Variants in EMC2 observed in about 807,000 individuals in gnomAD.
The protein encoded by EMC2 is TPR repeat protein 35.
In EMC2, 37 loss-of-function variants were observed where a neutral mutation model predicts 51.6. The ratio of observed to expected loss-of-function variants is 0.72; its 90% CI spans 0.55 to 0.94. The LOEUF is 0.94. EMC2 is among the 40% of genes least tolerant of loss of function. The pLI is 0.00. For synonymous variants in EMC2, 131 were observed against 112.4 expected (o/e 1.17, Z -1.04); for missense variants, 359 against 350.9 (o/e 1.02, Z -0.18).
rs1341029387 is a variant in EMC2, at chr8:108,486,875, G to C, written c.*277G>C. 4.2e-6 allele frequency: 1 copy of C among 235,678 alleles called. No individual in the cohort carries two copies. Among genetic ancestry groups the C allele is most frequent in the Non-Finnish European group, 8.0e-6 (1 of 124,298 alleles). The allele number at this position is 235,678 out of a possible 1,614,324, so 14.6% of individuals were successfully genotyped here. A position where few individuals can be genotyped will look rare whatever the true frequency, so the allele number is the denominator to read the frequency against. ...TGTATATATATAAAACTCTAATGTA[G>C]TATAACCTTGTTAAATAAACCATGA... On this transcript the variant is annotated 3_prime_UTR_variant, in exon 11 of 11. Coordinates refer to ENST00000220853, the MANE Select transcript of EMC2 (RefSeq NM_014673.5).
rs1811195297 is a variant in EMC2, at chr8:108,489,133, G to GAGC, written c.*2537_*2539dup. Among the ~76,000 whole-genome samples the GAGC allele has an allele frequency of 6.6e-6, 1 of 152,106 alleles. No individual in the cohort carries two copies. The highest frequency in any genetic ancestry group is 1.5e-5 in the Non-Finnish European group (1 of 68,026). On this transcript the variant is annotated 3_prime_UTR_variant, in exon 11 of 11. Transcript: ENST00000220853. ...CATTGTTGAACACCCAAATCAAGAT[G>GAGC]AGCAATTGCCAAACTCCCCAATTAT...
At chr8:108,475,816 C>A in intron 7 of EMC2, 66 bp from the exon 8 acceptor site, 1 of 843,238 alleles carries the variant, frequency 1.2e-6, no homozygotes, top group Non-Finnish European at 1.9e-6. Context: ...TAAATTATTT[C>A]AAGGTTTAAC....
chr8:108,473,780 G>A (rs1191182355), intron 7 of EMC2: 1 of 152,002 alleles, frequency 6.6e-6, no homozygotes. Flanking sequence ...AGGAAGAGAA[G>A]AAAACTTTAT....
In EMC2 at chr8:108,479,013, G is replaced by A; in HGVS notation, c.710G>A (p.Ser237Asn). The A allele has an allele frequency of 6.4e-7, 1 of 1,564,518 alleles. No homozygotes were observed. The highest frequency in any genetic ancestry group is 1.2e-5 in the South Asian group (1 of 81,922). The part of the protein sequence containing the change: ...RALFGLYMSA[S>N]HIASNPKASA... ...GTTTTTATTTGTTTTTAGTCGGCAA[G>A]TCATATTGCTTCTAATCCAAAAGCA... The change falls in exon 10 of 11, where the codon AGT becomes AAT. Residue 237 changes from serine (S) to asparagine (N), a missense_variant. Coordinates refer to ENST00000220853, the MANE Select transcript of EMC2 (RefSeq NM_014673.5).
At chr8:108,449,728 A>G in intron 1 of EMC2, 95 bp from the exon 2 acceptor site, 1 of 580,264 alleles carries the variant, frequency 1.7e-6, no homozygotes, top group East Asian at 3.0e-5. Context: ...TTACCTAAAA[A>G]GCTGATTTTG....
chr8:108,469,592 A>G (rs1488392248), intron 5 of EMC2, among the ~76,000 whole-genome samples: 1 of 152,178 alleles, frequency 6.6e-6, no homozygotes, highest in African/African-American at 2.4e-5. Context: ...ATTTATTTGG[A>G]TGAAACGATG....
At chr8:108,454,900 T>C (rs1483992996) in intron 4 of EMC2, among the ~76,000 whole-genome samples, 1 of 152,090 alleles carries the variant, frequency 6.6e-6, no homozygotes. Context: ...CCCTCTACTC[T>C]TTTCTTGTTT....
At chr8:108,472,828 AAGCTTTTTTAAGTATAATAGGTCGCAGGC>A (rs1468017162) in intron 7 of EMC2, among the ~76,000 whole-genome samples, 2 of 152,040 alleles carry the variant, frequency 1.3e-5, no homozygotes, top group Non-Finnish European at 2.9e-5. Context: ...GAACAGTTGT[AAGCTTTTTTAAGTATAATAGGTCGCAGGC>A]AGCTTTGGTA....
chr8:108,450,079 A>C, intron 2 of EMC2, 143 bp downstream of exon 2: 1 of 530,536 alleles, frequency 1.9e-6, no homozygotes. Context: ...TTTTAATGAT[A>C]GTTTATTTTG....
chr8:108,485,532 A>AAT (rs1049348326), intron 10 of EMC2, among the ~76,000 whole-genome samples: 52 of 101,828 alleles, frequency 5.1e-4, no homozygotes, highest in Middle Eastern at 4.6e-3. Context: ...ACATATATAT[A>AAT]ATATATATAT....
At chr8:108,443,804 C>T (rs1010013122) in intron 1 of EMC2, 106 bp downstream of exon 1, 99 of 979,640 alleles carry the variant, frequency 1.0e-4, no homozygotes, top group Non-Finnish European at 1.4e-5. Context: ...CTTTTTGGTA[C>T]CAGAGCCCTC....
At chr8:108,469,746 A>G in intron 5 of EMC2, 80 bp from the exon 6 acceptor site, 1 of 1,183,716 alleles carries the variant, frequency 8.4e-7, no homozygotes, top group Non-Finnish European at 1.2e-6. Context: ...TGAGATAATA[A>G]TTTGCACAGT....
chr8:108,451,707 A>AT (rs1196741882), intron 3 of EMC2, among the ~76,000 whole-genome samples: 1 of 151,796 alleles, frequency 6.6e-6, no homozygotes, highest in Non-Finnish European at 1.5e-5. Flanking sequence ...TTTTATTTTT[A>AT]TTTTTTTTGA....
chr8:108,465,508 A>G (rs1819445441), intron 5 of EMC2, among the ~76,000 whole-genome samples: 1 of 152,228 alleles, frequency 6.6e-6, no homozygotes, highest in African/African-American at 2.4e-5. Context: ...ATGCTCTTTG[A>G]AGAAAATAGA....
intron 4 of EMC2, among the ~76,000 whole-genome samples, chr8:108,455,318 T>C (rs752915599): frequency 1.1e-4 from 17 of 152,162 alleles, no homozygotes; most frequent in African/African-American, 3.1e-4. Flanking sequence ...TTTTGAGTTA[T>C]GCCCAATCTA....
intron 6 of EMC2, 58 bp from the exon 7 acceptor site, chr8:108,470,004 A>G (rs1440482122): frequency 1.9e-6 from 3 of 1,548,332 alleles, no homozygotes; most frequent in African/African-American, 1.4e-5. Flanking sequence ...GTTTGTTTTC[A>G]TGCTGTTCAT....
chr8:108,465,514 A>G (rs1471319505), intron 5 of EMC2, among the ~76,000 whole-genome samples: 1 of 152,240 alleles, frequency 6.6e-6, no homozygotes, highest in Non-Finnish European at 1.5e-5. Flanking sequence ...TTTGAAGAAA[A>G]TAGAATAGGA....
intron 5 of EMC2, among the ~76,000 whole-genome samples, chr8:108,464,816 G>C (rs1048885441): frequency 2.0e-5 from 3 of 152,172 alleles, no homozygotes. Context: ...TTCCGTAAAC[G>C]GTAAATGTGT....
chr8:108,452,669 A>C (rs1471990012), intron 3 of EMC2, among the ~76,000 whole-genome samples: 1 of 152,230 alleles, frequency 6.6e-6, no homozygotes, highest in East Asian at 1.9e-4. Context: ...ACTACTAAAA[A>C]ACTTAGTTCT....
Sources: allele counts gnomAD v4.1 joint callset (sites outside exome capture counted in the v4.1 genomes callset), GRCh38; gene constraint gnomAD v4.1.1; transcripts MANE v1.5; gene names NCBI Gene and HGNC (gene_info 2026-07-23, HGNC 2026-07-21).